The following SLC35F3 variants were observed in gnomAD, a reference collection of about 807,000 sequenced individuals.
SLC35F3 encodes solute carrier family 35 member F3.
SLC35F3 carries 25 observed loss-of-function variants against 49.9 expected under a neutral mutation model. The ratio of observed to expected loss-of-function variants is 0.50; its 90% confidence interval spans 0.37 to 0.70. The LOEUF is 0.70. SLC35F3 is among the 30% of genes least tolerant of loss of function. The probability of loss-of-function intolerance (pLI) is 0.00; values close to 1 mark genes in which losing one functional copy is unlikely to be tolerated. For synonymous variants in SLC35F3, 275 were observed against 265.4 expected (o/e 1.04, Z -0.35); for missense variants, 525 against 639.8 (o/e 0.82, Z 1.94).
At chr1:233,961,836 A>G (rs1378770750) in intron 2 of SLC35F3, among the ~76,000 whole-genome samples, 2 of 152,178 alleles carry the variant, frequency 1.3e-5, no homozygotes, top group Non-Finnish European at 2.9e-5. Context: ...AAATAGGTGC[A>G]TTTCATGAAA....
chr1:234,059,765 G>A (rs1436020412), intron 2 of SLC35F3, among the ~76,000 whole-genome samples: 3 of 152,196 alleles, frequency 2.0e-5, no homozygotes, highest in Admixed American at 2.0e-4. Context: ...GAGGAGCAAG[G>A]ACAGCCAGTC....
chr1:234,157,465 A>G, intron 2 of SLC35F3, among the ~76,000 whole-genome samples: 1 of 152,072 alleles, frequency 6.6e-6, no homozygotes, highest in Non-Finnish European at 1.5e-5. Flanking sequence ...ACTTTGGTGT[A>G]TATTTAACAT....
At chr1:234,024,219 A>G (rs1663942379) in intron 2 of SLC35F3, among the ~76,000 whole-genome samples, 2 of 143,128 alleles carry the variant, frequency 1.4e-5, no homozygotes, top group South Asian at 4.3e-4. Context: ...AACGCTTCTG[A>G]TAAAAAAAAA....
At chr1:234,254,501 G>A (rs114218159) in intron 3 of SLC35F3, among the ~76,000 whole-genome samples, 5,343 of 152,216 alleles carry the variant, frequency 0.035, 180 homozygotes, top group South Asian at 0.17. Context: ...AAGCACAAAC[G>A]TTATGAAGAA....
chr1:234,008,521 A>C (rs548811159), intron 2 of SLC35F3, among the ~76,000 whole-genome samples: 1 of 152,140 alleles, frequency 6.6e-6, no homozygotes, highest in African/African-American at 2.4e-5. Context: ...GAAGACTGCT[A>C]TACAGTCTCC....
intron 2 of SLC35F3, among the ~76,000 whole-genome samples, chr1:233,959,101 C>T (rs942084720): frequency 5.3e-5 from 8 of 152,156 alleles, no homozygotes; most frequent in African/African-American, 1.2e-4. Flanking sequence ...ATATTTTAAT[C>T]GCTTATGGAA....
At chr1:234,014,186 A>G (rs1663767838) in intron 2 of SLC35F3, among the ~76,000 whole-genome samples, 1 of 152,234 alleles carries the variant, frequency 6.6e-6, no homozygotes, top group Non-Finnish European at 1.5e-5. Context: ...GGTTCCACAT[A>G]CACAAATCCA....
chr1:234,243,540 A>T (rs1286090707), intron 3 of SLC35F3, among the ~76,000 whole-genome samples: 1 of 152,184 alleles, frequency 6.6e-6, no homozygotes, highest in African/African-American at 2.4e-5. Context: ...CACAAAGTAG[A>T]TTGAGGGACA....
intron 2 of SLC35F3, among the ~76,000 whole-genome samples, chr1:234,124,691 A>T (rs1665622079): frequency 6.6e-6 from 1 of 152,090 alleles, no homozygotes; most frequent in African/African-American, 2.4e-5. Context: ...ACATAGCAAG[A>T]CCCCATCTCT....
intron 3 of SLC35F3, among the ~76,000 whole-genome samples, chr1:234,265,716 A>G (rs1291318845): frequency 6.6e-6 from 1 of 152,170 alleles, no homozygotes; most frequent in Non-Finnish European, 1.5e-5. Flanking sequence ...TCCTTGAGAC[A>G]GAAGCCTCCT....
At chr1:234,169,831 G>A (rs543224656) in intron 2 of SLC35F3, among the ~76,000 whole-genome samples, 4 of 152,136 alleles carry the variant, frequency 2.6e-5, no homozygotes, top group East Asian at 1.9e-4. Flanking sequence ...GCAGTAGTGC[G>A]ATCTCAGCTC....
At chr1:234,204,962 T>C (rs1239141144) in intron 2 of SLC35F3, among the ~76,000 whole-genome samples, 1 of 152,230 alleles carries the variant, frequency 6.6e-6, no homozygotes, top group African/African-American at 2.4e-5. Context: ...TCTCTCCCTT[T>C]TTCCTGCAGC....
At chr1:234,119,968 C>T (rs546602933) in intron 2 of SLC35F3, among the ~76,000 whole-genome samples, 1 of 152,194 alleles carries the variant, frequency 6.6e-6, no homozygotes, top group Non-Finnish European at 1.5e-5. Flanking sequence ...AAGGCCTTGC[C>T]AAGTAGAAGC....
intron 2 of SLC35F3, among the ~76,000 whole-genome samples, chr1:233,943,247 T>C (rs1219268629): frequency 6.6e-6 from 1 of 152,102 alleles, no homozygotes; most frequent in Non-Finnish European, 1.5e-5. Flanking sequence ...ATTCAAAGAG[T>C]GGTCTATAGG....
chr1:234,156,956 A>C (rs972220877), intron 2 of SLC35F3, among the ~76,000 whole-genome samples: 2 of 152,232 alleles, frequency 1.3e-5, no homozygotes, highest in Middle Eastern at 3.4e-3. Flanking sequence ...CCTAGGGTTG[A>C]GGAGGGTGGG....
chr1:233,912,262 G>A (rs1413269636), intron 2 of SLC35F3, among the ~76,000 whole-genome samples: 2 of 152,096 alleles, frequency 1.3e-5, no homozygotes, highest in Non-Finnish European at 2.9e-5. Context: ...GGTGAATCAC[G>A]AGGTCAGGAG....
In SLC35F3 at chr1:234,224,429, G is replaced by T. The variant is rs1427147007; in HGVS notation, c.284-6988G>T. 3.3e-5 allele frequency among the ~76,000 whole-genome samples: 5 copies of T among 152,198 alleles called. 1 individual carries two copies. In the East Asian group the frequency reaches 9.7e-4, roughly 29 times the overall value. ...CAAACACAACCACACTGGATGTTAG[G>T]GCTTCAACACGTGAATTTGGGAAGA... On this transcript the variant is annotated intron_variant, in intron 2 of 7. Coordinates refer to ENST00000366618, the MANE Select transcript of SLC35F3 (RefSeq NM_173508.4).
intron 3 of SLC35F3, chr1:234,274,374 G>C (rs192315299): frequency 6.6e-6 from 1 of 152,338 alleles, no homozygotes; most frequent in Admixed American, 6.5e-5. Flanking sequence ...CATTAGGAAG[G>C]ATGGGAGAAG....
chr1:233,915,690 C>T (rs1476440302), intron 2 of SLC35F3, among the ~76,000 whole-genome samples: 1 of 152,156 alleles, frequency 6.6e-6, no homozygotes, highest in East Asian at 1.9e-4. Context: ...ATTGGACTTA[C>T]AGTTCCACGT....
Sources: gnomAD v4.1 joint callset for allele counts (sites outside exome capture counted in the v4.1 genomes callset) on GRCh38, gnomAD v4.1.1 for gene constraint, MANE v1.5 for transcripts, NCBI Gene and HGNC (gene_info 2026-07-23, HGNC 2026-07-21) for gene names.